Variants in KCNQ3 observed in about 807,000 individuals in gnomAD.
KCNQ3 encodes potassium voltage-gated channel subfamily Q member 3.
Under a neutral mutation model 92.5 loss-of-function variants are expected in KCNQ3, and 30 were observed. The ratio of observed to expected loss-of-function variants is 0.32; its 90% CI spans 0.24 to 0.44. The LOEUF is 0.44. Ranked by LOEUF, KCNQ3 falls within the 20% of genes least tolerant of loss-of-function variation. The probability of loss-of-function intolerance (pLI) is 1.00; values close to 1 mark genes in which losing one functional copy is unlikely to be tolerated. For missense variants in KCNQ3, 913 were observed against 1,140.3 expected (o/e 0.80, Z 2.87); for synonymous variants, 450 against 468.8 (o/e 0.96, Z 0.52).
chr8:132,215,942 T>G (rs1814016761), intron 1 of KCNQ3, among the ~76,000 whole-genome samples: 1 of 152,174 alleles, frequency 6.6e-6, no homozygotes, highest in South Asian at 2.1e-4. Flanking sequence ...ATAGTCCAGT[T>G]TTTGGGAACT....
chr8:132,285,723 A>G (rs934152675), intron 1 of KCNQ3, among the ~76,000 whole-genome samples: 2 of 152,182 alleles, frequency 1.3e-5, no homozygotes, highest in South Asian at 4.1e-4. Flanking sequence ...ATACTCATCA[A>G]AACTATGGGA....
Position 132,327,687 on chromosome 8 carries a change from T to A in KCNQ3, c.387-141506A>T, listed in dbSNP as rs535863064. On this transcript the variant is annotated intron_variant, in intron 1 of 14. Coordinates refer to ENST00000388996, the MANE Select transcript of KCNQ3 (RefSeq NM_004519.4). ...CTGACACCCCAAGTACCTGCTGGGC[T>A]CCATGGGCCTCATCCTGTTCTCTGC... Among the ~76,000 whole-genome samples, 18 of 152,284 alleles carry A rather than the reference T, an allele frequency of 1.2e-4. No homozygotes were observed. In the South Asian group the frequency reaches 3.5e-3, roughly 30 times the overall value.
chr8:132,450,741 A>C (rs1821800399), intron 1 of KCNQ3, among the ~76,000 whole-genome samples: 1 of 152,180 alleles, frequency 6.6e-6, no homozygotes, highest in African/African-American at 2.4e-5. Flanking sequence ...AGGAAGAAGG[A>C]GCTCACATGC....
At chr8:132,225,697 C>T (rs1367801292) in intron 1 of KCNQ3, among the ~76,000 whole-genome samples, 1 of 152,158 alleles carries the variant, frequency 6.6e-6, no homozygotes, top group Non-Finnish European at 1.5e-5. Context: ...CAGAAAGTGG[C>T]AAATGCTATG....
chr8:132,442,383 C>A (rs1821561261), intron 1 of KCNQ3, among the ~76,000 whole-genome samples: 1 of 152,122 alleles, frequency 6.6e-6, no homozygotes, highest in African/African-American at 2.4e-5. Context: ...GGTAATTTGA[C>A]ATTTATTTTT....
chr8:132,254,178 G>A (rs575100646), intron 1 of KCNQ3, among the ~76,000 whole-genome samples: 2 of 152,214 alleles, frequency 1.3e-5, no homozygotes, highest in African/African-American at 4.8e-5. Flanking sequence ...GCCCATGGAA[G>A]TGTGAGCACT....
chr8:132,262,882 G>A (rs141746899), intron 1 of KCNQ3, among the ~76,000 whole-genome samples: 87 of 152,308 alleles, frequency 5.7e-4, no homozygotes, highest in African/African-American at 2.1e-3. Context: ...CTTACTATGT[G>A]ACATTGATCG....
chr8:132,130,493 C>T (rs1237540571), intron 14 of KCNQ3, among the ~76,000 whole-genome samples: 1 of 152,180 alleles, frequency 6.6e-6, no homozygotes. Flanking sequence ...AAGCCTTGCA[C>T]ACCAGGTATT....
chr8:132,422,619 T>G (rs918823896), intron 1 of KCNQ3, among the ~76,000 whole-genome samples: 11 of 152,176 alleles, frequency 7.2e-5, no homozygotes, highest in Non-Finnish European at 1.2e-4. Context: ...TTCCACCAGC[T>G]GCACCCGCCC....
At chr8:132,344,657 T>C (rs957705129) in intron 1 of KCNQ3, among the ~76,000 whole-genome samples, 5 of 151,880 alleles carry the variant, frequency 3.3e-5, no homozygotes, top group African/African-American at 4.8e-5. Context: ...GCAAAGAAAA[T>C]AGGGCAAGTA....
intron 1 of KCNQ3, among the ~76,000 whole-genome samples, chr8:132,448,143 CCT>C (rs925034123): frequency 8.5e-5 from 13 of 152,262 alleles, no homozygotes; most frequent in Admixed American, 2.0e-4. Context: ...TATTCTGCCC[CCT>C]GTTTTGTAGC....
chr8:132,439,458 A>G (rs956816366), intron 1 of KCNQ3, among the ~76,000 whole-genome samples: 1 of 152,136 alleles, frequency 6.6e-6, no homozygotes, highest in Non-Finnish European at 1.5e-5. Context: ...AGCCTCCATT[A>G]AAGATATTCA....
At chr8:132,399,203 T>C (rs1820271822) in intron 1 of KCNQ3, among the ~76,000 whole-genome samples, 1 of 152,194 alleles carries the variant, frequency 6.6e-6, no homozygotes, top group Admixed American at 6.5e-5. Flanking sequence ...AATGTTGCAA[T>C]AAAAAACTCT....
At chr8:132,187,310 C>T (rs62519605) in intron 1 of KCNQ3, 17,839 of 454,290 alleles carry the variant, frequency 0.039, 479 homozygotes, top group Non-Finnish European at 0.056. Context: ...CACGAGCTCA[C>T]AGTCCAGATA....
At chr8:132,209,648 A>G (rs899278003) in intron 1 of KCNQ3, among the ~76,000 whole-genome samples, 2 of 152,202 alleles carry the variant, frequency 1.3e-5, no homozygotes, top group African/African-American at 2.4e-5. Flanking sequence ...TGCATTCAGT[A>G]GAAGCCATTC....
chr8:132,140,942 A>G, intron 10 of KCNQ3, 187 bp downstream of exon 10: 1 of 633,308 alleles, frequency 1.6e-6, no homozygotes. Flanking sequence ...CTGGGAATAC[A>G]TCACAATGCC....
chr8:132,480,461 C>CCCGCCGCCT lies in KCNQ3; in HGVS notation c.63_71dup (p.Gly22_Gly24dup), dbSNP rs748459358. On this transcript the variant is annotated inframe_insertion, in exon 1 of 15. Transcript: ENST00000388996. The stretch of plus-strand genomic sequence containing the variant: ...CGTCCCCTCCGGCTGGGTTAGCCGC[C>CCCGCCGCCT]CCGCCGCCTCCGCCGCCCCCGTCGC... 14 of 1,274,506 alleles carry CCCGCCGCCT rather than the reference C, an allele frequency of 1.1e-5. No homozygotes were observed. The highest frequency in any genetic ancestry group is 3.2e-5 in the East Asian group (1 of 31,650). 78.9% of individuals were successfully genotyped at this position (1,274,506 alleles called of 1,614,324 possible).
chr8:132,278,407 C>G (rs1816409093), intron 1 of KCNQ3, among the ~76,000 whole-genome samples: 1 of 152,210 alleles, frequency 6.6e-6, no homozygotes, highest in African/African-American at 2.4e-5. Flanking sequence ...CACATGCTTC[C>G]TGGTATTCCT....
At chr8:132,281,894 G>A (rs1816534465) in intron 1 of KCNQ3, among the ~76,000 whole-genome samples, 1 of 152,134 alleles carries the variant, frequency 6.6e-6, no homozygotes, top group Non-Finnish European at 1.5e-5. Context: ...TGCTCTCACT[G>A]ATGGTCTTGC....
Sources: allele counts gnomAD v4.1 joint callset (sites outside exome capture counted in the v4.1 genomes callset), GRCh38; gene constraint gnomAD v4.1.1; transcripts MANE v1.5; gene names NCBI Gene and HGNC (gene_info 2026-07-23, HGNC 2026-07-21).